Variants in TANC2 observed in about 807,000 individuals in gnomAD.
TANC2 encodes tetratricopeptide repeat, ankyrin repeat and coiled-coil containing 2, also known as protein TANC2.
A neutral mutation model predicts 210.5 loss-of-function variants in TANC2; 26 were observed. The observed-to-expected ratio is 0.12, with a 90% CI of 0.09 to 0.17. The LOEUF is 0.17. Ranked by LOEUF, TANC2 falls within the 10% of genes least tolerant of loss-of-function variation. TANC2 has a pLI of 1.00. For missense variants in TANC2, 2,129 were observed against 2,608.9 expected (o/e 0.82, Z 4.01); for synonymous variants, 931 against 967.1 (o/e 0.96, Z 0.69).
At chr17:63,052,706 A>G (rs187403385) in intron 2 of TANC2, among the ~76,000 whole-genome samples, 2 of 152,124 alleles carry the variant, frequency 1.3e-5, no homozygotes, top group East Asian at 1.9e-4. Context: ...ATCTTTTCCC[A>G]TGTTTAGGGA....
At chr17:63,213,356 T>C (rs1442900411) in intron 7 of TANC2, among the ~76,000 whole-genome samples, 3 of 152,186 alleles carry the variant, frequency 2.0e-5, no homozygotes, top group East Asian at 3.9e-4. Context: ...CACTTTACAC[T>C]TAGACAAGTC....
At chr17:63,328,321 A>G (rs1253567322) in intron 11 of TANC2, among the ~76,000 whole-genome samples, 1 of 152,022 alleles carries the variant, frequency 6.6e-6, no homozygotes, top group Non-Finnish European at 1.5e-5. Flanking sequence ...TTCTGAACCT[A>G]AAATAAAAGT....
At chr17:63,010,919 C>T (rs536502444) in intron 2 of TANC2, among the ~76,000 whole-genome samples, 29 of 152,106 alleles carry the variant, frequency 1.9e-4, no homozygotes, top group Non-Finnish European at 3.7e-4. Flanking sequence ...AGAATCCCAT[C>T]GAACCCCATC....
intron 2 of TANC2, 91 bp from the exon 3 acceptor site, chr17:63,073,852 G>T: frequency 9.9e-7 from 1 of 1,008,054 alleles, no homozygotes; most frequent in Admixed American, 2.7e-5. Flanking sequence ...ATAAATGATC[G>T]ATATAGTAGT....
chr17:63,238,726 C>T (rs1361302384), intron 8 of TANC2, among the ~76,000 whole-genome samples: 4 of 152,086 alleles, frequency 2.6e-5, no homozygotes, highest in Non-Finnish European at 5.9e-5. Flanking sequence ...AATTTATAAA[C>T]AAAAGAGGTT....
intron 5 of TANC2, chr17:63,151,953 T>A (rs2039667947): frequency 6.6e-6 from 1 of 152,210 alleles, no homozygotes; most frequent in African/African-American, 2.4e-5. Context: ...TGTAAACACA[T>A]GTGAGAGTTC....
chr17:63,159,696 G>A (rs74348111), intron 5 of TANC2, among the ~76,000 whole-genome samples: 2 of 152,142 alleles, frequency 1.3e-5, no homozygotes, highest in South Asian at 4.1e-4. Flanking sequence ...GAAATGATTT[G>A]AAATATACGG....
chr17:62,991,639 C>CAAAAAAAA (rs576514397), intron 1 of TANC2, among the ~76,000 whole-genome samples: 1 of 62,640 alleles, frequency 1.6e-5, no homozygotes. Context: ...GACTCCGTCT[C>CAAAAAAAA]AAAAAAAAAA....
At chr17:63,101,329 A>G (rs1360696839) in intron 4 of TANC2, among the ~76,000 whole-genome samples, 1 of 152,218 alleles carries the variant, frequency 6.6e-6, no homozygotes, top group Admixed American at 6.5e-5. Flanking sequence ...ATCAAAATGC[A>G]ATAATTTAAT....
At chr17:63,061,227 C>T (rs754799773) in intron 2 of TANC2, among the ~76,000 whole-genome samples, 8 of 151,966 alleles carry the variant, frequency 5.3e-5, no homozygotes, top group African/African-American at 1.4e-4. Context: ...ATTAGCCGGG[C>T]GTGGTGGCTG....
intron 19 of TANC2, 30 bp from the exon 20 acceptor site, chr17:63,405,092 C>G (rs773333095): frequency 6.3e-7 from 1 of 1,588,982 alleles, no homozygotes; most frequent in Middle Eastern, 1.7e-4. Context: ...CCAGAACCAC[C>G]TATCCTCAAT....
chr17:63,383,346 C>T (rs1396121172), intron 15 of TANC2, among the ~76,000 whole-genome samples: 2 of 152,198 alleles, frequency 1.3e-5, no homozygotes, highest in East Asian at 1.9e-4. Context: ...TTCCTTTATC[C>T]GCCACCTATT....
intron 2 of TANC2, among the ~76,000 whole-genome samples, chr17:63,034,525 T>G (rs115844993): frequency 0.03 from 4,501 of 152,296 alleles, 82 homozygotes; most frequent in South Asian, 0.037. Flanking sequence ...AATACATTTT[T>G]CAAGGCTATA....
intron 8 of TANC2, among the ~76,000 whole-genome samples, chr17:63,257,832 A>G (rs531712700): frequency 1.3e-5 from 2 of 152,306 alleles, no homozygotes; most frequent in East Asian, 1.9e-4. Flanking sequence ...TATACTATCT[A>G]TGTCTTGAAA....
At chr17:63,203,219 A>G (rs1482026143) in intron 7 of TANC2, among the ~76,000 whole-genome samples, 1 of 152,204 alleles carries the variant, frequency 6.6e-6, no homozygotes. Context: ...GCCCAGTTCT[A>G]AAATCTGAAA....
At chr17:63,410,337 TCC>T (rs377066407) in intron 21 of TANC2, among the ~76,000 whole-genome samples, 10 of 118,408 alleles carry the variant, frequency 8.4e-5, no homozygotes, top group African/African-American at 3.2e-4. Context: ...ATCTCTCCAA[TCC>T]CCCCCCCCCA....
exon 20 of TANC2, chr17:63,405,196 C>A: frequency 6.2e-7 from 1 of 1,611,350 alleles, no homozygotes; most frequent in Admixed American, 1.7e-5. Context: ...GGCAGTGGCC[C>A]AGCCAAACCG....
intron 9 of TANC2, among the ~76,000 whole-genome samples, chr17:63,297,243 G>A (rs1167656565): frequency 6.6e-6 from 1 of 152,126 alleles, no homozygotes; most frequent in Non-Finnish European, 1.5e-5. Context: ...GACTTGCAAG[G>A]GGCCCTGAAT....
At chr17:63,051,668 A>C (rs571540878) in intron 2 of TANC2, among the ~76,000 whole-genome samples, 4 of 152,284 alleles carry the variant, frequency 2.6e-5, no homozygotes, top group African/African-American at 9.6e-5. Flanking sequence ...GATTGTGTGA[A>C]AGTGATGCAT....
Sources: gnomAD v4.1 joint callset for allele counts (sites outside exome capture counted in the v4.1 genomes callset) on GRCh38, gnomAD v4.1.1 for gene constraint, MANE v1.5 for transcripts, NCBI Gene and HGNC (gene_info 2026-07-23, HGNC 2026-07-21) for gene names.